DHRS12: variants seen among roughly 807,000 people sequenced by gnomAD.
DHRS12 encodes dehydrogenase/reductase SDR family member 12.
A neutral mutation model predicts 32.1 loss-of-function variants in DHRS12; 29 were observed. The ratio of observed to expected loss-of-function variants is 0.90; its 90% CI spans 0.67 to 1.23. The LOEUF is 1.23. Ranked by LOEUF, DHRS12 falls within the 50% of genes most tolerant of loss-of-function variation. The pLI, the probability that DHRS12 is intolerant of heterozygous loss-of-function variation, is 0.00. For missense variants in DHRS12, 330 were observed against 337.2 expected, an observed-to-expected ratio of 0.98 and a Z score of 0.17; for synonymous variants, 150 against 135.9, an observed-to-expected ratio of 1.10 and a Z score of -0.72.
chr13:51,773,062 G>A (rs1714671455), intron 6 of DHRS12: 10 of 985,286 alleles, frequency 1.0e-5, no homozygotes, highest in Non-Finnish European at 1.1e-5. Flanking sequence ...GGCAAGAACT[G>A]TAAATATGGA....
At position 51,767,996 on chromosome 13, in the gene DHRS12, A is replaced by C. The variant is rs1201167383; in HGVS notation, c.*191T>G. The C allele has an allele frequency of 2.9e-6, 4 of 1,394,330 alleles. No homozygotes were observed. The East Asian group carries it at 7.9e-5, about 27-fold the overall frequency. The allele number at this position is 1,394,330 out of a possible 1,614,324, so 86.4% of individuals were successfully genotyped here. A position where few individuals can be genotyped will look rare whatever the true frequency, so the allele number is the denominator to read the frequency against. On this transcript the variant is annotated 3_prime_UTR_variant, in exon 9 of 9. Coordinates refer to ENST00000444610, the MANE Select transcript of DHRS12 (RefSeq NM_001377533.1). ...AGAAAAGAACCTGCTGCAGGAGTTCAAGGTGAGCCTGATCACAGCCTCGGT... is the reference window on the plus strand; with the variant it reads ...AGAAAAGAACCTGCTGCAGGAGTTCCAGGTGAGCCTGATCACAGCCTCGGT...
At chr13:51,788,081 C>T (rs1015563356) in intron 4 of DHRS12, among the ~76,000 whole-genome samples, 1 of 151,076 alleles carries the variant, frequency 6.6e-6, no homozygotes, top group Non-Finnish European at 1.5e-5. Flanking sequence ...AAGCCCAGTA[C>T]TTGGAAGGAC....
chr13:51,771,200 G>A (rs1001868981), intron 7 of DHRS12: 8 of 1,550,076 alleles, frequency 5.2e-6, no homozygotes, highest in South Asian at 3.6e-5. Flanking sequence ...TTGGCGCCGC[G>A]GGTGCACCCT....
chr13:51,780,836 A>T (rs529726462), intron 4 of DHRS12, among the ~76,000 whole-genome samples: 1 of 152,228 alleles, frequency 6.6e-6, no homozygotes, highest in Non-Finnish European at 1.5e-5. Flanking sequence ...ATGACATTTT[A>T]ATAGCATTAA....
chr13:51,794,691 G>A (rs566035952), intron 2 of DHRS12, among the ~76,000 whole-genome samples: 2 of 151,888 alleles, frequency 1.3e-5, no homozygotes, highest in East Asian at 3.9e-4. Context: ...GTAATCATCA[G>A]AAAGACATCA....
chr13:51,795,832 A>G (rs1955491452), intron 2 of DHRS12, among the ~76,000 whole-genome samples: 1 of 152,176 alleles, frequency 6.6e-6, no homozygotes, highest in South Asian at 2.1e-4. Context: ...GTCTGGTTGT[A>G]GGAGCTGAAG....
chr13:51,759,995 A>G, the DHRS12 span: 1 of 497,620 alleles, frequency 2.0e-6, no homozygotes, highest in East Asian at 3.0e-5. Flanking sequence ...TATTTTTTTA[A>G]CAAATGGTTT....
intron 4 of DHRS12, among the ~76,000 whole-genome samples, chr13:51,783,765 G>A (rs897674919): frequency 6.6e-6 from 1 of 152,158 alleles, no homozygotes; most frequent in African/African-American, 2.4e-5. Flanking sequence ...TGCACCCCTT[G>A]GGGTCTGGCT....
chr13:51,801,247 C>T (rs146574817), intron 1 of DHRS12, among the ~76,000 whole-genome samples: 153 of 152,246 alleles, frequency 1.0e-3, no homozygotes, highest in South Asian at 1.5e-3. Context: ...AGTGCAGTGG[C>T]GCGATCTCGG....
At chr13:51,793,016 TCCTTGCTCATGA>T (rs1484809001) in intron 2 of DHRS12, among the ~76,000 whole-genome samples, 1 of 152,096 alleles carries the variant, frequency 6.6e-6, no homozygotes, top group Non-Finnish European at 1.5e-5. Context: ...TGACCCTTAG[TCCTTGCTCATGA>T]CACTTTTCAA....
chr13:51,782,446 C>T lies in DHRS12; in HGVS notation c.302-5325G>A, dbSNP rs774421912. Among the ~76,000 whole-genome samples, 1 of 152,180 alleles carries T rather than the reference C, an allele frequency of 6.6e-6. No individual in the cohort carries two copies. Among genetic ancestry groups the T allele is most frequent in the Non-Finnish European group, 1.5e-5 (1 of 68,034 alleles). Reference sequence around the variant, plus strand: ...TGGAGGCCATCGCGCTATGGGAGCACGGACAGCTGTGCCCAGTGCTGCCCA... The same window carrying T: ...TGGAGGCCATCGCGCTATGGGAGCATGGACAGCTGTGCCCAGTGCTGCCCA... On this transcript the variant is annotated intron_variant, in intron 4 of 8. Coordinates refer to ENST00000444610, the MANE Select transcript of DHRS12 (RefSeq NM_001377533.1). The surrounding 1 kb of genome is among the most constrained non-coding windows in gnomAD (Gnocchi z 4.2).
At chr13:51,758,155 A>C in the DHRS12 span, 1 of 1,499,262 alleles carries the variant, frequency 6.7e-7, no homozygotes, top group Non-Finnish European at 9.1e-7. Context: ...ATATGTCACC[A>C]CCTTTTCCCC....
chr13:51,765,807 G>A (rs1953728288), downstream of DHRS12: 1 of 152,304 alleles, frequency 6.6e-6, no homozygotes. Context: ...TTTAAAGATG[G>A]TAAGGGTGGA....
chr13:51,785,531 G>C (rs1319879350), intron 4 of DHRS12, among the ~76,000 whole-genome samples: 1 of 152,190 alleles, frequency 6.6e-6, no homozygotes, highest in Non-Finnish European at 1.5e-5. Flanking sequence ...TAATCAAAGG[G>C]GCTTGGATGC....
intron 2 of DHRS12, among the ~76,000 whole-genome samples, chr13:51,797,641 T>A (rs1024317153): frequency 6.6e-6 from 1 of 152,138 alleles, no homozygotes; most frequent in African/African-American, 2.4e-5. Context: ...TGCCCCCACT[T>A]ATCCCCTTGT....
the DHRS12 span, among the ~76,000 whole-genome samples, chr13:51,759,070 A>G: frequency 6.6e-6 from 1 of 152,164 alleles, no homozygotes; most frequent in Admixed American, 6.5e-5. Flanking sequence ...TAGTCCAGCT[A>G]CTTGGGAGGC....
At chr13:51,800,971 C>T (rs1955727630) in intron 1 of DHRS12, among the ~76,000 whole-genome samples, 2 of 152,184 alleles carry the variant, frequency 1.3e-5, no homozygotes, top group African/African-American at 4.8e-5. Context: ...TTAAAAATAT[C>T]AGTAACAAGG....
Position 51,777,049 on chromosome 13 carries a change from G to C in DHRS12, c.363+11C>G. ...CCATTATCCTCAAAACATCCCATAA[G>C]GTCAACTCACCACTCGGGGGTCGTG... On this transcript the variant is annotated intron_variant, in intron 5 of 8. Coordinates refer to ENST00000444610, the MANE Select transcript of DHRS12 (RefSeq NM_001377533.1). 1 of 1,614,058 alleles carries C rather than the reference G, an allele frequency of 6.2e-7. No individual in the cohort carries two copies. The highest frequency in any genetic ancestry group is 1.6e-4 in the Middle Eastern group (1 of 6,062).
chr13:51,799,666 T>G lies in DHRS12; in HGVS notation c.-7A>C, dbSNP rs764256966. On this transcript the variant is annotated splice_region_variant and 5_prime_UTR_variant, in exon 2 of 9. Coordinates refer to ENST00000444610, the MANE Select transcript of DHRS12 (RefSeq NM_001377533.1). Reference sequence around the variant, plus strand: ...TCTTTACATGCAGATTCATAGCCACTCCTAGAAAGAGGAGACCCACAGGAA... The same window carrying G: ...TCTTTACATGCAGATTCATAGCCACGCCTAGAAAGAGGAGACCCACAGGAA... The G allele has an allele frequency of 5.6e-6, 9 of 1,613,720 alleles. No homozygotes were observed. The South Asian group carries it at 9.9e-5, about 18-fold the overall frequency.
Sources: allele counts gnomAD v4.1 joint callset (sites outside exome capture counted in the v4.1 genomes callset), GRCh38; gene constraint gnomAD v4.1.1; non-coding constraint Gnocchi (gnomAD v3.1); transcripts MANE v1.5; gene names NCBI Gene and HGNC (gene_info 2026-07-23, HGNC 2026-07-21).